The following NMRK2 variants were observed in gnomAD, a reference collection of about 807,000 sequenced individuals.
NMRK2 encodes nicotinamide riboside kinase 2, also known as NRK 2.
Under a neutral mutation model 24.7 loss-of-function variants are expected in NMRK2, and 34 were observed. That is an observed-to-expected ratio of 1.37 (90% CI 1.05 to 1.83). NMRK2 has a LOEUF of 1.83. NMRK2 is among the 40% of genes most tolerant of loss of function. NMRK2 has a pLI of 0.00. For synonymous variants in NMRK2, 145 were observed against 125.6 expected (o/e 1.15, Z -1.03); for missense variants, 341 against 315.0 (o/e 1.08, Z -0.62).
At chr19:3,938,818 TCTTG>T in intron 5 of NMRK2, 59 bp downstream of exon 5, 5 of 530,892 alleles carry the variant, frequency 9.4e-6, no homozygotes, top group Non-Finnish European at 1.4e-5. Context: ...TATAGCCATC[TCTTG>T]TTTTTTTTTT....
intron 7 of NMRK2, among the ~76,000 whole-genome samples, chr19:3,941,735 C>T (rs1328765713): frequency 4.6e-5 from 7 of 152,084 alleles, no homozygotes; most frequent in South Asian, 4.2e-4. Context: ...CTCCGCCTCC[C>T]GGGTTCAAGC....
Position 3,942,257 on chromosome 19 carries a change from A to G in NMRK2, c.677A>G (p.Gln226Arg), listed in dbSNP as rs1384564986. ...GHRTARPAASQQDSM is the reference protein window; with the variant it reads ...GHRTARPAASRQDSM ...AGAACGGCCAGGCCTGCAGCGTCCC[A>G]GCAGGACAGCATGTGAGCGTTTCCC... Residue 226 changes from glutamine to arginine, a missense_variant, in exon 8 of 8, where the codon CAG (glutamine) becomes CGG (arginine). Transcript: ENST00000168977. 10 of 1,609,534 alleles carry G rather than the reference A, an allele frequency of 6.2e-6. No homozygotes were observed. In the African/African-American group the frequency reaches 1.2e-4, roughly 19 times the overall value.
chr19:3,936,495 T>C, intron 2 of NMRK2, 80 bp from the exon 3 acceptor site: 1 of 965,190 alleles, frequency 1.0e-6, no homozygotes, highest in Non-Finnish European at 1.5e-6. Flanking sequence ...GAGCCCAGGC[T>C]GCACCTCAGG....
intron 2 of NMRK2, among the ~76,000 whole-genome samples, chr19:3,935,114 G>A (rs1212211612): frequency 6.6e-6 from 1 of 151,778 alleles, no homozygotes; most frequent in East Asian, 1.9e-4. Flanking sequence ...GAAACTCCCA[G>A]GATCAAGTAA....
rs939236102 is a variant in NMRK2 at position 3,941,008 on chromosome 19, G to A, written c.396-63G>A. 8.1e-5 allele frequency: 88 copies of A among 1,080,656 alleles called. 2 individuals carry two copies. The South Asian group carries it at 8.2e-4, about 10-fold the overall frequency. The allele number at this position is 1,080,656 out of a possible 1,614,324, so 66.9% of individuals were successfully genotyped here. On this transcript the variant is annotated intron_variant, in intron 6 of 7. Coordinates refer to ENST00000168977, the MANE Select transcript of NMRK2 (RefSeq NM_170678.3). ...TATGACAGCTTTCAGGCCCCCCACCGGGGGTATATTCTTAGCATCACCCTT... is the reference window on the plus strand; with the variant it reads ...TATGACAGCTTTCAGGCCCCCCACCAGGGGTATATTCTTAGCATCACCCTT...
chr19:3,941,564 C>T (rs944769773), intron 7 of NMRK2, among the ~76,000 whole-genome samples: 3 of 151,842 alleles, frequency 2.0e-5, no homozygotes, highest in African/African-American at 4.8e-5. Flanking sequence ...CCATTCTAAA[C>T]GCCCTTCAGT....
chr19:3,938,492 TGCCCGCTCCCCATCC>T, intron 4 of NMRK2, 96 bp from the exon 5 acceptor site: 3 of 923,052 alleles, frequency 3.3e-6, no homozygotes, highest in South Asian at 2.3e-5. Flanking sequence ...CCTCCTGCAA[TGCCCGCTCCCCATCC>T]ACCGTCCCCT....
intron 7 of NMRK2, among the ~76,000 whole-genome samples, chr19:3,941,419 A>C (rs2039331566): frequency 6.7e-6 from 1 of 149,224 alleles, no homozygotes; most frequent in Admixed American, 6.7e-5. Context: ...TCGGCCCCTA[A>C]TTTGTGTATT....
At chr19:3,940,360 A>C (rs924885455) in intron 6 of NMRK2, among the ~76,000 whole-genome samples, 1 of 144,732 alleles carries the variant, frequency 6.9e-6, no homozygotes, top group Admixed American at 7.1e-5. Context: ...AAAAAAAAAA[A>C]GGCGGCCAGG....
intron 7 of NMRK2, among the ~76,000 whole-genome samples, chr19:3,941,714 C>T (rs1240743279): frequency 2.0e-5 from 3 of 152,050 alleles, no homozygotes; most frequent in Non-Finnish European, 4.4e-5. Flanking sequence ...GCGATCTTGG[C>T]TCACGGCAAT....
At chr19:3,939,731 G>T (rs541950755) in intron 5 of NMRK2, among the ~76,000 whole-genome samples, 169 bp from the exon 6 acceptor site, 13 of 152,212 alleles carry the variant, frequency 8.5e-5, no homozygotes, top group Non-Finnish European at 1.9e-4. Flanking sequence ...GGGGGCTGCT[G>T]CAGGGATGTT....
intron 2 of NMRK2, among the ~76,000 whole-genome samples, chr19:3,934,278 C>T (rs543661050): frequency 6.9e-4 from 105 of 152,200 alleles, no homozygotes; most frequent in Non-Finnish European, 1.2e-3. Flanking sequence ...AGAAAATTAA[C>T]TAAAGCTCCA....
Position 3,936,589 on chromosome 19 carries a change from G to T in NMRK2, c.41G>T (p.Gly14Val), listed in dbSNP as rs777406590. Reference protein sequence around the residue: ...IVGIGGMTNGGKTTLTNSLLR... With the variant: ...IVGIGGMTNGVKTTLTNSLLR... ...TGTCTCCCCAGCATGACCAACGGCG[G>T]CAAGACCACGCTGACCAACAGCCTG... The change falls in exon 3 of 8, where the codon GGC (glycine) becomes GTC (valine). Residue 14 changes from glycine to valine, a missense_variant. Coordinates refer to ENST00000168977, the MANE Select transcript of NMRK2 (RefSeq NM_170678.3). 33 of 1,560,844 alleles carry T rather than the reference G, an allele frequency of 2.1e-5. No individual in the cohort carries two copies. The highest frequency in any genetic ancestry group is 2.6e-5 in the Non-Finnish European group (30 of 1,154,496).
chr19:3,942,318 C>A lies in NMRK2; in HGVS notation c.*45C>A. 2 of 1,524,118 alleles carry A rather than the reference C, an allele frequency of 1.3e-6. No individual in the cohort carries two copies. Among genetic ancestry groups the A allele is most frequent in the Non-Finnish European group, 1.8e-6 (2 of 1,126,950 alleles). 94.4% of individuals were successfully genotyped at this position (1,524,118 alleles called of 1,614,324 possible). A position where few individuals can be genotyped will look rare whatever the true frequency, so the allele number is the denominator to read the frequency against. ...TCTGTACGTAGGAGAGTGGAGGCCC[C>A]ACTCCCAGTTGGGCGTCCCGGAGCT... On this transcript the variant is annotated 3_prime_UTR_variant, in exon 8 of 8. Transcript: ENST00000168977.
At chr19:3,940,335 CAAAAAAAAAAAA>C (rs978999079) in intron 6 of NMRK2, among the ~76,000 whole-genome samples, 21 of 31,012 alleles carry the variant, frequency 6.8e-4, no homozygotes, top group African/African-American at 2.3e-3. Flanking sequence ...GACTCTGTCT[CAAAAAAAAAAAA>C]AAAAAAAAAA....
chr19:3,940,585 A>T (rs924790867), intron 6 of NMRK2, among the ~76,000 whole-genome samples: 1 of 151,858 alleles, frequency 6.6e-6, no homozygotes, highest in Non-Finnish European at 1.5e-5. Context: ...AAATTGAAAA[A>T]TTAGCCAGGC....
chr19:3,933,698 G>A lies in NMRK2; in HGVS notation c.26+1G>A. On this transcript the variant is annotated splice_donor_variant, in intron 2 of 7. Transcript: ENST00000168977. LOFTEE classifies it high-confidence loss of function. ...TGAAGCTCATCGTGGGCATCGGAGG[G>A]TGAGCGCCGGGGGACCTGGTGGGCG... is the stretch of plus-strand genomic sequence containing the variant. The A allele has an allele frequency of 6.9e-7, 1 of 1,451,246 alleles. No individual in the cohort carries two copies. 89.9% of individuals were successfully genotyped at this position (1,451,246 alleles called of 1,614,324 possible).
chr19:3,938,075 T>C (rs2039247191), intron 4 of NMRK2, among the ~76,000 whole-genome samples: 2 of 127,450 alleles, frequency 1.6e-5, no homozygotes, highest in Admixed American at 1.6e-4. Context: ...TCCACCCTCC[T>C]GCAATACCTG....
intron 2 of NMRK2, among the ~76,000 whole-genome samples, chr19:3,934,863 G>A (rs1385935033): frequency 6.6e-6 from 1 of 151,920 alleles, no homozygotes; most frequent in South Asian, 2.1e-4. Context: ...GATTACAGGC[G>A]TGAGCCACCG....
Sources: allele counts gnomAD v4.1 joint callset (sites outside exome capture counted in the v4.1 genomes callset), GRCh38; gene constraint gnomAD v4.1.1; transcripts MANE v1.5; gene names NCBI Gene and HGNC (gene_info 2026-07-23, HGNC 2026-07-21).